Variants in RASEF observed in about 807,000 individuals in gnomAD.
The protein encoded by RASEF is ras and EF-hand domain-containing protein.
Under a neutral mutation model 90.1 loss-of-function variants are expected in RASEF, and 68 were observed. That is an observed-to-expected ratio of 0.75 (90% CI 0.62 to 0.92). The LOEUF is 0.92. Among genes scored for constraint, RASEF ranks in the 40% least tolerant of loss-of-function variants. The pLI is 0.00. For missense variants in RASEF, 949 were observed against 937.2 expected (o/e 1.01, Z -0.16); for synonymous variants, 331 against 345.2 (o/e 0.96, Z 0.46).
the RASEF span, among the ~76,000 whole-genome samples, chr9:83,178,955 A>G: frequency 6.6e-6 from 1 of 152,158 alleles, no homozygotes; most frequent in South Asian, 2.1e-4. Flanking sequence ...TTTCTAAACC[A>G]CAATCTGATT....
chr9:83,163,441 CA>C, the RASEF span, among the ~76,000 whole-genome samples: 1 of 152,106 alleles, frequency 6.6e-6, no homozygotes, highest in Admixed American at 6.6e-5. Flanking sequence ...TAATATAAAA[CA>C]ACAATGATTA....
the RASEF span, among the ~76,000 whole-genome samples, chr9:83,127,036 A>G: frequency 3.5e-4 from 54 of 152,342 alleles, no homozygotes; most frequent in Non-Finnish European, 5.3e-4. Context: ...TATAATACAT[A>G]AATTGTAAAG....
chr9:83,022,369 C>T lies in RASEF; in HGVS notation c.636G>A (p.Arg212=). Residue 212 remains arginine, a synonymous_variant, in exon 3 of 17, where the codon AGG becomes AGA. Coordinates refer to ENST00000376447, the MANE Select transcript of RASEF (RefSeq NM_152573.4). ...LSELEEEMDQ[R]IQAAEHKTRK... is the part of the protein sequence containing the mutation. ...GTGTCTTATGTTCTGCAGCCTGAAT[C>T]CTCTGATCCATTTCCTCTTCCAACT... 1 of 1,614,120 alleles carries T rather than the reference C, an allele frequency of 6.2e-7. No homozygotes were observed. The highest frequency in any genetic ancestry group is 8.5e-7 in the Non-Finnish European group (1 of 1,180,004).
At chr9:83,001,709 G>C (rs1587485323) in intron 9 of RASEF, among the ~76,000 whole-genome samples, 1 of 152,280 alleles carries the variant, frequency 6.6e-6, no homozygotes, top group Admixed American at 6.5e-5. Flanking sequence ...CTCTCAGGTT[G>C]CACAAGACAA....
chr9:83,213,463 G>C, the RASEF span, among the ~76,000 whole-genome samples: 1 of 151,290 alleles, frequency 6.6e-6, no homozygotes, highest in Non-Finnish European at 1.5e-5. Context: ...TCTAAAAGAA[G>C]ACTTTCCCTC....
rs58096334 is a variant in RASEF, at chr9:83,023,136, T to C, written c.579-710A>G. On this transcript the variant is annotated intron_variant, in intron 2 of 16. Coordinates refer to ENST00000376447, the MANE Select transcript of RASEF (RefSeq NM_152573.4). ...GAACTCTGTGGCAAAGTGATGGTTA[T>C]ATATAATTTTGAAATTTCACTATAT... Among the ~76,000 whole-genome samples the C allele has an allele frequency of 1.4e-4, 21 of 152,300 alleles. 1 individual carries two copies. The East Asian group carries it at 4.0e-3, about 29-fold the overall frequency.
chr9:83,029,377 C>G (rs980500414), intron 1 of RASEF, among the ~76,000 whole-genome samples: 2 of 150,930 alleles, frequency 1.3e-5, no homozygotes, highest in African/African-American at 4.9e-5. Flanking sequence ...GCTGTAAACT[C>G]TCCCAGACTT....
chr9:83,117,319 G>T, the RASEF span, among the ~76,000 whole-genome samples: 1 of 152,182 alleles, frequency 6.6e-6, no homozygotes, highest in African/African-American at 2.4e-5. Context: ...TCCAGGTGTT[G>T]TTTATGCATA....
chr9:83,067,557 C>T (rs115553574), upstream of RASEF, among the ~76,000 whole-genome samples: 1,965 of 152,258 alleles, frequency 0.013, 45 homozygotes, highest in African/African-American at 0.044. Context: ...CCTTTGACTG[C>T]ATATTGTTTC....
chr9:82,984,349 T>C (rs1564066972), intron 16 of RASEF, among the ~76,000 whole-genome samples: 2 of 152,158 alleles, frequency 1.3e-5, no homozygotes, highest in Non-Finnish European at 2.9e-5. Context: ...ATTAGCCACA[T>C]TGTGAGTGGC....
At chr9:82,997,868 T>A (rs1336499603) in intron 13 of RASEF, among the ~76,000 whole-genome samples, 2 of 152,142 alleles carry the variant, frequency 1.3e-5, no homozygotes, top group East Asian at 3.9e-4. Context: ...ATTGAATGGA[T>A]TTTGTTCCGA....
the RASEF span, among the ~76,000 whole-genome samples, chr9:83,128,430 G>A: frequency 8.0e-4 from 119 of 148,814 alleles, 3 homozygotes; most frequent in East Asian, 0.021. Context: ...CTACACTGTC[G>A]TGCCCAATTT....
the RASEF span, among the ~76,000 whole-genome samples, chr9:83,200,729 A>G: frequency 0.8 from 120,973 of 151,926 alleles, 48,714 homozygotes; most frequent in East Asian, 0.96. Flanking sequence ...GTTCTAAAGC[A>G]ATGTCAGCTC....
chr9:83,136,319 T>A, the RASEF span, among the ~76,000 whole-genome samples: 1 of 152,070 alleles, frequency 6.6e-6, no homozygotes, highest in African/African-American at 2.4e-5. Context: ...TTGCGCAAAG[T>A]GAAAATGCAT....
the RASEF span, among the ~76,000 whole-genome samples, chr9:83,130,593 G>A: frequency 6.6e-6 from 1 of 152,130 alleles, no homozygotes; most frequent in Non-Finnish European, 1.5e-5. Flanking sequence ...ACTCACATGG[G>A]AGCAACACAC....
intron 9 of RASEF, among the ~76,000 whole-genome samples, chr9:83,003,647 G>A (rs1285206708): frequency 6.6e-6 from 1 of 152,056 alleles, no homozygotes; most frequent in East Asian, 1.9e-4. Flanking sequence ...AATTTTCTTA[G>A]AAATGATCAC....
chr9:82,998,975 G>T, intron 12 of RASEF, among the ~76,000 whole-genome samples: 1 of 152,034 alleles, frequency 6.6e-6, no homozygotes, highest in East Asian at 1.9e-4. Context: ...CATGCATCAT[G>T]GTCTCTGACA....
the RASEF span, among the ~76,000 whole-genome samples, chr9:83,190,093 G>T: frequency 6.6e-6 from 1 of 151,934 alleles, no homozygotes; most frequent in South Asian, 2.1e-4. Flanking sequence ...TTCCTTTCTA[G>T]TATAAAATCT....
At chr9:83,012,150 A>G (rs772741660) in intron 5 of RASEF, among the ~76,000 whole-genome samples, 5 of 152,106 alleles carry the variant, frequency 3.3e-5, no homozygotes, top group African/African-American at 7.2e-5. Context: ...TACAGACCAG[A>G]GCTGATGTTG....
Sources: gnomAD v4.1 joint callset for allele counts (sites outside exome capture counted in the v4.1 genomes callset) on GRCh38, gnomAD v4.1.1 for gene constraint, MANE v1.5 for transcripts, NCBI Gene and HGNC (gene_info 2026-07-23, HGNC 2026-07-21) for gene names.